The following FGF9 variants were observed in gnomAD, a reference collection of about 807,000 sequenced individuals.
The protein encoded by FGF9 is fibroblast growth factor 9 (glia-activating factor).
In FGF9, 3 loss-of-function variants were observed where a neutral mutation model predicts 19.9. The ratio of observed to expected loss-of-function variants is 0.15; its 90% CI spans 0.07 to 0.39. FGF9 has a LOEUF of 0.39. Ranked by LOEUF, FGF9 falls within the 10% of genes least tolerant of loss-of-function variation. The pLI is 1.00. For synonymous variants in FGF9, 107 were observed against 106.9 expected, an observed-to-expected ratio of 1.00 and a Z score of -0.01; for missense variants, 175 against 256.8, an observed-to-expected ratio of 0.68 and a Z score of 2.18.
chr13:21,676,944 G>A (rs761986188), intron 1 of FGF9, among the ~76,000 whole-genome samples: 1 of 152,216 alleles, frequency 6.6e-6, no homozygotes, highest in Non-Finnish European at 1.5e-5. Flanking sequence ...TCTGGGGATA[G>A]TCACTAATAG....
chr13:21,695,086 G>GCA (rs1473087095), intron 2 of FGF9, among the ~76,000 whole-genome samples: 31 of 127,390 alleles, frequency 2.4e-4, no homozygotes, highest in African/African-American at 1.2e-3. Flanking sequence ...GTGTGTGCGT[G>GCA]TGTGTGTGTG....
chr13:21,698,033 C>T (rs1367138236), intron 2 of FGF9, among the ~76,000 whole-genome samples: 1 of 152,206 alleles, frequency 6.6e-6, no homozygotes, highest in African/African-American at 2.4e-5. Flanking sequence ...TGGTCTCGAT[C>T]TCCTGACCTC....
intron 2 of FGF9, among the ~76,000 whole-genome samples, chr13:21,686,231 G>A (rs147235270): frequency 6.6e-4 from 100 of 152,290 alleles, no homozygotes; most frequent in African/African-American, 2.3e-3. Flanking sequence ...GTTTCACCAT[G>A]TTGACCGGGC....
intron 2 of FGF9, among the ~76,000 whole-genome samples, chr13:21,696,545 A>AAT (rs1872413646): frequency 3.8e-5 from 1 of 26,146 alleles, no homozygotes; most frequent in Non-Finnish European, 6.0e-5. Context: ...CTGCATTAGA[A>AAT]ACGTGGTGGG....
At chr13:21,679,526 A>G (rs1237254772) in intron 1 of FGF9, among the ~76,000 whole-genome samples, 1 of 152,138 alleles carries the variant, frequency 6.6e-6, no homozygotes, top group Non-Finnish European at 1.5e-5. Context: ...AATTTTTAAT[A>G]TTTGAAAGTA....
At chr13:21,685,867 C>T (rs1208257484) in intron 2 of FGF9, among the ~76,000 whole-genome samples, 2 of 152,108 alleles carry the variant, frequency 1.3e-5, no homozygotes, top group Non-Finnish European at 2.9e-5. Context: ...GGTCACGTGA[C>T]CCTTCAAATG....
In FGF9 at chr13:21,691,513, G is replaced by GT. The variant is rs1872289681; in HGVS notation, c.382-9677_382-9676insT. ...TCTTTCCTCTGTCCCTGCCTCATCTGCCTCATCTTGTCTCTGCTTCTGTTT... is the reference window on the plus strand; with the variant it reads ...TCTTTCCTCTGTCCCTGCCTCATCTGTCCTCATCTTGTCTCTGCTTCTGTTT... On this transcript the variant is annotated intron_variant, in intron 2 of 2. Transcript: ENST00000382353. This position sits in a 1 kb window ranked among gnomAD's most constrained non-coding sequence, Gnocchi z 4.2. Among the ~76,000 whole-genome samples, 1 of 152,220 alleles carries GT rather than the reference G, an allele frequency of 6.6e-6. No individual in the cohort carries two copies. The highest frequency in any genetic ancestry group is 6.5e-5 in the Admixed American group (1 of 15,278).
chr13:21,671,844 C>T lies in FGF9; in HGVS notation c.-69C>T. ...TAAGGGAGGGGAGTTGGATATACCT[C>T]GCCTAATATCTCCTGGGTTGACACC... On this transcript the variant is annotated 5_prime_UTR_variant, in exon 1 of 3. Coordinates refer to ENST00000382353, the MANE Select transcript of FGF9 (RefSeq NM_002010.3). The T allele has an allele frequency of 6.3e-7, 1 of 1,581,374 alleles. No individual in the cohort carries two copies. Among genetic ancestry groups the T allele is most frequent in the Non-Finnish European group, 8.7e-7 (1 of 1,150,406 alleles).
intron 2 of FGF9, among the ~76,000 whole-genome samples, chr13:21,689,607 C>T (rs1872241272): frequency 6.6e-6 from 1 of 151,974 alleles, no homozygotes; most frequent in Non-Finnish European, 1.5e-5. Flanking sequence ...GTTAGGGAGC[C>T]CCACATGCTA....
intron 2 of FGF9, among the ~76,000 whole-genome samples, chr13:21,694,388 A>C (rs1872359160): frequency 2.0e-5 from 3 of 152,144 alleles, no homozygotes; most frequent in South Asian, 2.1e-4. Context: ...TGCCCCTTCC[A>C]GTATCTCCCA....
intron 2 of FGF9, among the ~76,000 whole-genome samples, chr13:21,688,593 G>A (rs1395217463): frequency 6.6e-6 from 1 of 152,142 alleles, no homozygotes; most frequent in Non-Finnish European, 1.5e-5. Flanking sequence ...AGGTAAATTA[G>A]TAAATCTTGT....
chr13:21,675,997 T>C (rs1163001453), intron 1 of FGF9, among the ~76,000 whole-genome samples: 1 of 151,842 alleles, frequency 6.6e-6, no homozygotes, highest in Non-Finnish European at 1.5e-5. Flanking sequence ...GAACTCGCAA[T>C]TGTATCTCTG....
At position 21,672,261 on chromosome 13, in the gene FGF9, G is replaced by A; in HGVS notation, c.277+72G>A. On this transcript the variant is annotated intron_variant, in intron 1 of 2. Transcript: ENST00000382353. The surrounding 1 kb of genome is among the most constrained non-coding windows in gnomAD (Gnocchi z 4.2). Reference sequence around the variant, plus strand: ...AATTATAACTACCAAGAAGGTGGTGGCCGGGTGGGGGACGTGGGAAGGGTT... The same window carrying A: ...AATTATAACTACCAAGAAGGTGGTGACCGGGTGGGGGACGTGGGAAGGGTT... The A allele has an allele frequency of 6.4e-7, 1 of 1,553,466 alleles. No individual in the cohort carries two copies.
chr13:21,674,543 G>A (rs1475278413), intron 1 of FGF9, among the ~76,000 whole-genome samples: 2 of 151,898 alleles, frequency 1.3e-5, no homozygotes, highest in African/African-American at 4.8e-5. Flanking sequence ...CACGGCTGCA[G>A]GGGCGCCGCG....
chr13:21,689,214 T>G (rs1872231528), intron 2 of FGF9, among the ~76,000 whole-genome samples: 1 of 152,188 alleles, frequency 6.6e-6, no homozygotes, highest in Admixed American at 6.5e-5. Context: ...TGCCCCTGCC[T>G]GGGTCCCTGC....
chr13:21,692,613 A>T (rs1872317861), intron 2 of FGF9, among the ~76,000 whole-genome samples: 1 of 152,192 alleles, frequency 6.6e-6, no homozygotes, highest in Non-Finnish European at 1.5e-5. Context: ...TGAGGATTAG[A>T]GAAGATGACG....
intron 2 of FGF9, among the ~76,000 whole-genome samples, chr13:21,687,352 TAG>T (rs1423876984): frequency 2.0e-5 from 3 of 152,190 alleles, no homozygotes; most frequent in Non-Finnish European, 4.4e-5. Flanking sequence ...TATATCGACT[TAG>T]GTTATTTTTA....
In FGF9 at chr13:21,672,318, G is replaced by GTC. The variant is rs367885332; in HGVS notation, c.277+143_277+144dup. 2.5e-4 allele frequency: 246 copies of GTC among 988,220 alleles called. No individual in the cohort carries two copies. Among genetic ancestry groups the GTC allele is most frequent in the Admixed American group, 4.0e-4 (21 of 52,688 alleles). The allele number at this position is 988,220 out of a possible 1,614,324, so 61.2% of individuals were successfully genotyped here. On this transcript the variant is annotated intron_variant, in intron 1 of 2. Transcript: ENST00000382353. The surrounding 1 kb of genome is among the most constrained non-coding windows in gnomAD (Gnocchi z 4.2). ...TCCTCCCCTCTTTCTCTGTATCTCT[G>GTC]TCTCTCTCTCTCTCTGTCTTGCCAG...
rs1456420032 is a variant in FGF9, at chr13:21,671,408, G to T, written c.-505G>T. 3 of 401,200 alleles carry T rather than the reference G, an allele frequency of 7.5e-6. No homozygotes were observed. Among genetic ancestry groups the T allele is most frequent in the Non-Finnish European group, 1.3e-5 (3 of 228,288 alleles). The allele number at this position is 401,200 out of a possible 1,614,324, so 24.9% of individuals were successfully genotyped here. A position where few individuals can be genotyped will look rare whatever the true frequency, so the allele number is the denominator to read the frequency against. ...TTCCCCTTGAAGGATTCATGCTGAT[G>T]TCTGCAGAGTCGGTTAGAGAGTAAA... On this transcript the variant is annotated 5_prime_UTR_variant, in exon 1 of 3. An upstream start codon of the reference 5' UTR is lost. Coordinates refer to ENST00000382353, the MANE Select transcript of FGF9 (RefSeq NM_002010.3).
Sources: gnomAD v4.1 joint callset for allele counts (sites outside exome capture counted in the v4.1 genomes callset) on GRCh38, gnomAD v4.1.1 for gene constraint, Gnocchi (gnomAD v3.1) non-coding constraint, MANE v1.5 for transcripts, NCBI Gene and HGNC (gene_info 2026-07-23, HGNC 2026-07-21) for gene names.